RANBP17: variants seen among roughly 807,000 people sequenced by gnomAD.
The protein encoded by RANBP17 is RAN binding protein 17, also known as ran-binding protein 17.
RANBP17 carries 158 observed loss-of-function variants against 141.2 expected under a neutral mutation model. The ratio of observed to expected loss-of-function variants is 1.12; its 90% CI spans 0.98 to 1.28. The LOEUF is 1.28. Ranked by LOEUF, RANBP17 falls within the 50% of genes most tolerant of loss-of-function variation. The pLI is 0.00. For synonymous variants in RANBP17, 430 were observed against 450.0 expected (o/e 0.96, Z 0.56); for missense variants, 1,438 against 1,290.7 (o/e 1.11, Z -1.75).
intron 21 of RANBP17, among the ~76,000 whole-genome samples, chr5:171,214,329 A>G (rs1021960413): frequency 1.3e-5 from 2 of 152,226 alleles, no homozygotes; most frequent in African/African-American, 4.8e-5. Flanking sequence ...TTGACCTTAT[A>G]ATTTGCATAG....
intron 14 of RANBP17, among the ~76,000 whole-genome samples, chr5:171,102,832 G>C (rs1225481250): frequency 6.6e-6 from 1 of 151,772 alleles, no homozygotes; most frequent in African/African-American, 2.4e-5. Flanking sequence ...CTGTTTGTTA[G>C]TTTTCCTTCT....
intron 24 of RANBP17, among the ~76,000 whole-genome samples, chr5:171,263,693 T>TTTTTTTTTTTTTTTTTTTTTTTGAGACG (rs1766486233): frequency 6.6e-6 from 1 of 152,208 alleles, no homozygotes; most frequent in Non-Finnish European, 1.5e-5. Flanking sequence ...TTCTACTTCT[T>TTTTTTTTTTTTTTTTTTTTTTTGAGACG]GAATATACCC....
At chr5:170,896,237 A>C in intron 5 of RANBP17, 122 bp downstream of exon 5, 1 of 655,506 alleles carries the variant, frequency 1.5e-6, no homozygotes, top group South Asian at 2.1e-5. Context: ...CTGAATAATC[A>C]AGTTTTTTGT....
At chr5:171,296,081 C>T in intron 27 of RANBP17, 67 bp downstream of exon 27, 2 of 1,527,472 alleles carry the variant, frequency 1.3e-6, no homozygotes, top group African/African-American at 2.7e-5. Context: ...AAATAACTCT[C>T]TCGTGCTTGA....
At chr5:170,938,032 A>G (rs1215292140) in intron 12 of RANBP17, among the ~76,000 whole-genome samples, 1 of 152,066 alleles carries the variant, frequency 6.6e-6, no homozygotes, top group African/African-American at 2.4e-5. Context: ...CTGCTCTCTG[A>G]TTCTGTGTCT....
intron 12 of RANBP17, among the ~76,000 whole-genome samples, chr5:170,947,986 G>A (rs1034356492): frequency 3.9e-5 from 6 of 152,104 alleles, no homozygotes; most frequent in African/African-American, 1.4e-4. Context: ...CCTCTTGATG[G>A]CATATACATA....
intron 1 of RANBP17, among the ~76,000 whole-genome samples, chr5:170,870,797 C>G (rs1767659402): frequency 6.6e-6 from 1 of 152,212 alleles, no homozygotes; most frequent in Admixed American, 6.5e-5. Flanking sequence ...AATCACCACA[C>G]TGTCTTCCAC....
chr5:171,294,244 G>A (rs1312610768), intron 26 of RANBP17, among the ~76,000 whole-genome samples: 1 of 152,168 alleles, frequency 6.6e-6, no homozygotes, highest in African/African-American at 2.4e-5. Flanking sequence ...TTGCTCAGTA[G>A]TATTTCCAGC....
chr5:171,079,046 G>A (rs1218745549), intron 14 of RANBP17, among the ~76,000 whole-genome samples: 1 of 152,174 alleles, frequency 6.6e-6, no homozygotes, highest in Non-Finnish European at 1.5e-5. Context: ...CACCATTCTG[G>A]ATACCACTAA....
intron 25 of RANBP17, among the ~76,000 whole-genome samples, chr5:171,285,280 G>C (rs1768102097): frequency 6.6e-6 from 1 of 152,194 alleles, no homozygotes; most frequent in South Asian, 2.1e-4. Context: ...TCTTAAGCTT[G>C]CACACATTGT....
intron 24 of RANBP17, among the ~76,000 whole-genome samples, chr5:171,251,268 C>T (rs1765542493): frequency 6.6e-6 from 1 of 151,692 alleles, no homozygotes; most frequent in South Asian, 2.1e-4. Flanking sequence ...TTTTTAGAGA[C>T]AGGTTTTTGC....
At chr5:171,162,501 A>G (rs1040543515) in intron 14 of RANBP17, among the ~76,000 whole-genome samples, 3 of 152,194 alleles carry the variant, frequency 2.0e-5, no homozygotes, top group African/African-American at 7.2e-5. Flanking sequence ...AACAGGTGGT[A>G]GTTAGACCCT....
intron 25 of RANBP17, among the ~76,000 whole-genome samples, chr5:171,282,617 T>G (rs182718537): frequency 2.0e-5 from 3 of 152,224 alleles, no homozygotes; most frequent in Non-Finnish European, 4.4e-5. Context: ...TAGCTGGGAT[T>G]ACAGGTGCGC....
intron 14 of RANBP17, among the ~76,000 whole-genome samples, chr5:170,997,000 G>A (rs888077863): frequency 3.3e-5 from 5 of 152,150 alleles, no homozygotes; most frequent in East Asian, 3.9e-4. Context: ...AATCATAATC[G>A]TCATGTGTCA....
intron 25 of RANBP17, among the ~76,000 whole-genome samples, chr5:171,277,637 G>GTGTGTATA (rs1437482589): frequency 1.6e-4 from 9 of 56,920 alleles, no homozygotes; most frequent in East Asian, 8.8e-4. Context: ...ATATATGTAT[G>GTGTGTATA]TATATATATA....
At chr5:171,055,549 G>A (rs1783285523) in intron 14 of RANBP17, among the ~76,000 whole-genome samples, 1 of 152,038 alleles carries the variant, frequency 6.6e-6, no homozygotes, top group African/African-American at 2.4e-5. Flanking sequence ...ATGGAACTTT[G>A]TTCCAAAAAG....
chr5:171,209,937 A>G (rs879885585), intron 20 of RANBP17, among the ~76,000 whole-genome samples: 9 of 152,148 alleles, frequency 5.9e-5, no homozygotes, highest in Non-Finnish European at 1.3e-4. Context: ...ACAACTGATG[A>G]ATAGATGGAC....
intron 12 of RANBP17, among the ~76,000 whole-genome samples, chr5:170,940,947 A>C (rs1419011484): frequency 1.3e-5 from 2 of 152,116 alleles, no homozygotes; most frequent in Admixed American, 6.6e-5. Flanking sequence ...GTTAAAAAAA[A>C]ACTAAATTGC....
intron 12 of RANBP17, among the ~76,000 whole-genome samples, chr5:170,935,813 C>T (rs1007624587): frequency 6.6e-6 from 1 of 152,216 alleles, no homozygotes; most frequent in Non-Finnish European, 1.5e-5. Flanking sequence ...CTACTGCTCT[C>T]TTCAAAGCTG....
Sources: gnomAD v4.1 joint callset for allele counts (sites outside exome capture counted in the v4.1 genomes callset) on GRCh38, gnomAD v4.1.1 for gene constraint, MANE v1.5 for transcripts, NCBI Gene and HGNC (gene_info 2026-07-23, HGNC 2026-07-21) for gene names.